FNDC7: variants seen among roughly 807,000 people sequenced by gnomAD.
The protein encoded by FNDC7 is fibronectin type III domain-containing protein 7.
Under a neutral mutation model 74.2 loss-of-function variants are expected in FNDC7, and 66 were observed. The observed-to-expected ratio is 0.89, with a 90% CI of 0.73 to 1.09. The LOEUF (loss-of-function observed/expected upper bound fraction) is 1.09. Ranked by LOEUF, FNDC7 falls within the 50% of genes least tolerant of loss-of-function variation. The probability of loss-of-function intolerance (pLI) is 0.00; values close to 1 mark genes in which losing one functional copy is unlikely to be tolerated. For missense variants in FNDC7, 829 were observed against 893.4 expected (o/e 0.93, Z 0.92); for synonymous variants, 307 against 330.2 (o/e 0.93, Z 0.76).
rs527523563 is a variant in FNDC7 at position 108,715,837 on chromosome 1, A to T, written c.83-1940A>T. ...GGAAGGTAACAAGTCTAGAAGAGGT[A>T]AAATGACTTGCATGCCTTCACACAC... On this transcript the variant is annotated intron_variant, in intron 2 of 12. Coordinates refer to ENST00000370017, the MANE Select transcript of FNDC7 (RefSeq NM_001144937.3). 4.1e-3 allele frequency among the ~76,000 whole-genome samples: 625 copies of T among 152,372 alleles called. 1 individual carries two copies. Among genetic ancestry groups the T allele is most frequent in the Non-Finnish European group, 6.9e-3 (469 of 68,042 alleles).
chr1:108,722,704 G>C (rs4970743), intron 5 of FNDC7, 112 bp downstream of exon 5: 722,766 of 1,166,602 alleles, frequency 0.62, 229,959 homozygotes, highest in East Asian at 0.84. Context: ...ATGAAAGCCT[G>C]GTCTAAATGA....
intron 10 of FNDC7, among the ~76,000 whole-genome samples, 158 bp downstream of exon 10, chr1:108,733,690 G>A (rs1171117449): frequency 5.4e-5 from 7 of 130,328 alleles, no homozygotes; most frequent in African/African-American, 1.2e-4. Flanking sequence ...TCACTCTGTC[G>A]CCCAGGCTGG....
chr1:108,725,698 G>A, intron 5 of FNDC7, 52 bp from the exon 6 acceptor site: 4 of 1,570,088 alleles, frequency 2.5e-6, no homozygotes, highest in East Asian at 2.3e-5. Flanking sequence ...TTGCAAAGAT[G>A]CGAAGAAAAT....
rs552310750 is a variant in FNDC7 at position 108,733,139 on chromosome 1, C to T, written c.1880-133C>T. The T allele has an allele frequency of 1.6e-4, 176 of 1,131,660 alleles. 2 individuals are homozygous for T. Among genetic ancestry groups the T allele is most frequent in the Admixed American group, 1.1e-3 (48 of 44,728 alleles). 70.1% of individuals were successfully genotyped at this position (1,131,660 alleles called of 1,614,324 possible). ...CTCGAGTACCCCTTCAAATCTTGCTCTGATCTAACCAGTAATTAATCCTGT... is the reference window on the plus strand; with the variant it reads ...CTCGAGTACCCCTTCAAATCTTGCTTTGATCTAACCAGTAATTAATCCTGT... On this transcript the variant is annotated intron_variant, in intron 9 of 12. Coordinates refer to ENST00000370017, the MANE Select transcript of FNDC7 (RefSeq NM_001144937.3).
intron 9 of FNDC7, among the ~76,000 whole-genome samples, chr1:108,731,180 T>C (rs1661336383): frequency 6.6e-6 from 1 of 152,236 alleles, no homozygotes; most frequent in South Asian, 2.1e-4. Context: ...AGGGACCATG[T>C]ATCTTTATAT....
At chr1:108,733,796 A>G (rs1456869132) in intron 10 of FNDC7, among the ~76,000 whole-genome samples, 1 of 151,894 alleles carries the variant, frequency 6.6e-6, no homozygotes. Context: ...GATTACAGGC[A>G]CCTGGCATCA....
intron 2 of FNDC7, among the ~76,000 whole-genome samples, chr1:108,716,652 A>G (rs961948537): frequency 1.3e-5 from 2 of 152,114 alleles, no homozygotes; most frequent in Non-Finnish European, 1.5e-5. Flanking sequence ...TCTCTGGGCT[A>G]TTGGTACAGA....
At chr1:108,727,153 T>C (rs1236134606) in intron 6 of FNDC7, among the ~76,000 whole-genome samples, 1 of 152,126 alleles carries the variant, frequency 6.6e-6, no homozygotes, top group Non-Finnish European at 1.5e-5. Flanking sequence ...GGAGAAACTC[T>C]GTCTCTGCTA....
intron 10 of FNDC7, among the ~76,000 whole-genome samples, chr1:108,736,350 G>A (rs1661514362): frequency 6.6e-6 from 1 of 151,908 alleles, no homozygotes; most frequent in African/African-American, 2.4e-5. Flanking sequence ...ATTATCATAA[G>A]CAGAGTTAGC....
chr1:108,732,460 G>T (rs1661409976), intron 9 of FNDC7, among the ~76,000 whole-genome samples: 1 of 152,096 alleles, frequency 6.6e-6, no homozygotes, highest in Non-Finnish European at 1.5e-5. Context: ...ACTCATCTCG[G>T]CAAAATTGGT....
chr1:108,734,347 C>G (rs1398215638), intron 10 of FNDC7: 1 of 152,176 alleles, frequency 6.6e-6, no homozygotes, highest in Non-Finnish European at 1.5e-5. Context: ...GCATGGCTGT[C>G]AGCAACTACC....
In FNDC7 at chr1:108,716,040, G is replaced by A. The variant is rs144467072; in HGVS notation, c.83-1737G>A. On this transcript the variant is annotated intron_variant, in intron 2 of 12. Coordinates refer to ENST00000370017, the MANE Select transcript of FNDC7 (RefSeq NM_001144937.3). ...ATGAGGCCAGTTTTGTGGAGCCCGC[G>A]GGCCCCATGACAGGCCTGTGGGGAG... Among the ~76,000 whole-genome samples, 491 of 152,206 alleles carry A rather than the reference G, an allele frequency of 3.2e-3. 6 individuals are homozygous for A. The highest frequency in any genetic ancestry group is 0.028 in the South Asian group (133 of 4,814).
At chr1:108,717,632 T>C (rs1661001918) in intron 2 of FNDC7, 145 bp from the exon 3 acceptor site, 1 of 823,430 alleles carries the variant, frequency 1.2e-6, no homozygotes, top group Admixed American at 2.8e-5. Context: ...TTTCTTTTTC[T>C]CTGTTTTTCC....
chr1:108,737,667 CT>C (rs765241384), intron 11 of FNDC7, 143 bp downstream of exon 11: 11 of 581,112 alleles, frequency 1.9e-5, no homozygotes, highest in Non-Finnish European at 3.0e-5. Context: ...TATCCCATGA[CT>C]TTTTCTCCCC....
At position 108,718,037 on chromosome 1, in the gene FNDC7, T is replaced by G; in HGVS notation, c.337+6T>G. ...TCCAAAGCAGGCAAAGACAGGTGGC[T>G]GGATGGATGCTCATCCTCCGTTGAG... is the stretch of plus-strand genomic sequence containing the variant. On this transcript the variant is annotated splice_donor_region_variant and intron_variant, in intron 3 of 12. Coordinates refer to ENST00000370017, the MANE Select transcript of FNDC7 (RefSeq NM_001144937.3). 1.9e-6 allele frequency: 3 copies of G among 1,551,000 alleles called. No homozygotes were observed. Among genetic ancestry groups the G allele is most frequent in the Non-Finnish European group, 2.6e-6 (3 of 1,146,348 alleles).
rs1211316139 is a variant in FNDC7 at position 108,728,888 on chromosome 1, T to C, written c.1624+2T>C. The C allele has an allele frequency of 5.0e-6, 8 of 1,611,390 alleles. No individual in the cohort carries two copies. The highest frequency in any genetic ancestry group is 6.8e-6 in the Non-Finnish European group (8 of 1,178,018). The stretch of plus-strand genomic sequence containing the variant: ...GCTACAGTGTGCCCCTGGAAACAGG[T>C]ATGTAGCAACCACCAGCCTGAATGT... On this transcript the variant is annotated splice_donor_variant, in intron 8 of 12. Coordinates refer to ENST00000370017, the MANE Select transcript of FNDC7 (RefSeq NM_001144937.3). LOFTEE classifies it high-confidence loss of function.
intron 5 of FNDC7, among the ~76,000 whole-genome samples, chr1:108,725,432 C>T (rs548713729): frequency 5.9e-5 from 9 of 152,262 alleles, no homozygotes; most frequent in South Asian, 4.1e-4. Flanking sequence ...AATAATCTAA[C>T]GATGAAAATT....
intron 4 of FNDC7, among the ~76,000 whole-genome samples, chr1:108,721,386 A>G (rs773309040): frequency 6.6e-6 from 1 of 152,100 alleles, no homozygotes; most frequent in Non-Finnish European, 1.5e-5. Flanking sequence ...GGAGAATGGC[A>G]TGAACCCCGG....
chr1:108,725,587 T>G (rs1412083584), intron 5 of FNDC7, among the ~76,000 whole-genome samples, 163 bp from the exon 6 acceptor site: 1 of 152,228 alleles, frequency 6.6e-6, no homozygotes, highest in Non-Finnish European at 1.5e-5. Flanking sequence ...AAAGAAAATC[T>G]TCTAATGCTT....
Sources: gnomAD v4.1 joint callset for allele counts (sites outside exome capture counted in the v4.1 genomes callset) on GRCh38, gnomAD v4.1.1 for gene constraint, MANE v1.5 for transcripts, NCBI Gene and HGNC (gene_info 2026-07-23, HGNC 2026-07-21) for gene names.